Variants in ATAD2 observed in about 807,000 individuals in gnomAD.
ATAD2 encodes ATPase family AAA domain-containing protein 2.
In ATAD2, 62 loss-of-function variants were observed where a neutral mutation model predicts 168.9. That is an observed-to-expected ratio of 0.37 (90% CI 0.30 to 0.45). The LOEUF is 0.45. ATAD2 is among the 20% of genes least tolerant of loss of function. The pLI is 1.00. For missense variants in ATAD2, 1,419 were observed against 1,667.8 expected, an observed-to-expected ratio of 0.85 and a Z score of 2.60; for synonymous variants, 613 against 571.6, an observed-to-expected ratio of 1.07 and a Z score of -1.03.
At chr8:123,408,603 G>C (rs112734536) in intron 1 of ATAD2, among the ~76,000 whole-genome samples, 2 of 151,772 alleles carry the variant, frequency 1.3e-5, no homozygotes, top group Non-Finnish European at 2.9e-5. Context: ...TGAACCCTCC[G>C]CCTCTGGGGT....
chr8:123,399,079 G>A (rs1049787657), upstream of ATAD2, among the ~76,000 whole-genome samples: 3 of 152,176 alleles, frequency 2.0e-5, no homozygotes, highest in Admixed American at 1.3e-4. Flanking sequence ...TGGTCAACAT[G>A]GTGAAACCCC....
At chr8:123,369,799 A>G in intron 7 of ATAD2, 22 bp downstream of exon 7, 3 of 1,555,132 alleles carry the variant, frequency 1.9e-6, no homozygotes, top group African/African-American at 2.7e-5. Flanking sequence ...CATCTCCTGG[A>G]AAGAGTATGT....
At chr8:123,388,237 C>T (rs140846485) in intron 1 of ATAD2, among the ~76,000 whole-genome samples, 36 of 152,262 alleles carry the variant, frequency 2.4e-4, no homozygotes, top group Non-Finnish European at 4.9e-4. Flanking sequence ...GCTCCTTCAC[C>T]CAGGCTGGAG....
At chr8:123,409,014 G>C (rs1813111238) in intron 1 of ATAD2, among the ~76,000 whole-genome samples, 1 of 151,362 alleles carries the variant, frequency 6.6e-6, no homozygotes, top group Non-Finnish European at 1.5e-5. Flanking sequence ...TTTTAGTAGA[G>C]ACGGGGTTTT....
chr8:123,374,236 C>A (rs1320405328), intron 2 of ATAD2, among the ~76,000 whole-genome samples: 1 of 152,094 alleles, frequency 6.6e-6, no homozygotes, highest in African/African-American at 2.4e-5. Context: ...GCCTGTAGTC[C>A]CACCTACTCA....
chr8:123,394,306 T>C (rs536408983), intron 1 of ATAD2, among the ~76,000 whole-genome samples: 4 of 152,258 alleles, frequency 2.6e-5, no homozygotes, highest in African/African-American at 9.6e-5. Flanking sequence ...AAGCTGAAAC[T>C]GAAATTCATA....
intron 4 of ATAD2, 82 bp downstream of exon 4, chr8:123,371,588 G>A: frequency 7.9e-7 from 1 of 1,272,784 alleles, no homozygotes; most frequent in Non-Finnish European, 1.1e-6. Context: ...TTAAATGTTT[G>A]GGCTGGTTGA....
At chr8:123,401,671 CCTGA>C in intron 1 of ATAD2, 1 of 793,010 alleles carries the variant, frequency 1.3e-6, no homozygotes, top group Non-Finnish European at 2.3e-6. Flanking sequence ...ATGGTGGCAT[CCTGA>C]CTGTGGGGCA....
rs79027379 is a variant in ATAD2 at position 123,372,768 on chromosome 8, G to A, written c.321-82C>T. On this transcript the variant is annotated intron_variant, in intron 2 of 27. Transcript: ENST00000287394. Reference sequence around the variant, plus strand: ...TATTTAGATGGGATTGCACTCCATCGTCCAACAGGAGTGCAGTGGCACAAT... The same window carrying A: ...TATTTAGATGGGATTGCACTCCATCATCCAACAGGAGTGCAGTGGCACAAT... The A allele has an allele frequency of 2.1e-3, 2,409 of 1,171,988 alleles. 41 individuals are homozygous for A. In the African/African-American group the frequency reaches 0.033, roughly 16 times the overall value. The allele number at this position is 1,171,988 out of a possible 1,614,324, so 72.6% of individuals were successfully genotyped here.
At chr8:123,339,167 G>A (rs1827999228) in intron 20 of ATAD2, 144 bp downstream of exon 20, 7 of 701,660 alleles carry the variant, frequency 1.0e-5, no homozygotes, top group Non-Finnish European at 1.1e-5. Flanking sequence ...TTAATGGGAA[G>A]CATAGAGATT....
intron 1 of ATAD2, among the ~76,000 whole-genome samples, chr8:123,389,357 C>T (rs1407111753): frequency 1.0e-4 from 15 of 147,882 alleles, no homozygotes; most frequent in African/African-American, 3.2e-4. Context: ...TCCCAATGGT[C>T]GGCCGGGCGT....
At chr8:123,412,377 C>G (rs1454385908) in intron 1 of ATAD2, among the ~76,000 whole-genome samples, 1 of 152,158 alleles carries the variant, frequency 6.6e-6, no homozygotes, top group Non-Finnish European at 1.5e-5. Context: ...TTACACCCTG[C>G]TCAGAGCTAT....
intron 13 of ATAD2, among the ~76,000 whole-genome samples, chr8:123,355,514 G>A (rs1202671428): frequency 6.6e-6 from 1 of 152,196 alleles, no homozygotes; most frequent in African/African-American, 2.4e-5. Context: ...CATGGGGGTT[G>A]AGGGTTCAAT....
chr8:123,323,027 T>C lies in ATAD2; in HGVS notation c.4042A>G (p.Asn1348Asp). 1 of 1,612,274 alleles carries C rather than the reference T, an allele frequency of 6.2e-7. No homozygotes were observed. Among genetic ancestry groups the C allele is most frequent in the African/African-American group, 1.3e-5 (1 of 75,010 alleles). The stretch of plus-strand genomic sequence containing the variant: ...TACAAATTTTCCAACTGAAATATGT[T>C]GTAGTTTTGACTTTTTTTAACAACA... ...KTVVKKSQNY[N>D]IFQLENLYAV... The change falls in exon 27 of 28, where the codon AAC (asparagine) becomes GAC (aspartate). Residue 1348 changes from asparagine to aspartate, a missense_variant. Physicochemically the swap from Asn to Asp is conservative, Grantham distance 23. Transcript: ENST00000287394.
chr8:123,357,716 G>C lies in ATAD2; in HGVS notation c.1403C>G (p.Pro468Arg). 6.2e-7 allele frequency: 1 copy of C among 1,606,306 alleles called. No individual in the cohort carries two copies. The highest frequency in any genetic ancestry group is 8.5e-7 in the Non-Finnish European group (1 of 1,177,206). ...AACCAGAGTCTTTCCAGTTCCAGGTGGCCCATAAAACAAACAACCTCTGTA... is the reference window on the plus strand; with the variant it reads ...AACCAGAGTCTTTCCAGTTCCAGGTCGCCCATAAAACAAACAACCTCTGTA... ...QPPRGCLFYG[P>R]PGTGKTLVAR... The change falls in exon 12 of 28, where the codon CCA (proline) becomes CGA (arginine). Residue 468 changes from proline (P) to arginine (R), a missense_variant. Coordinates refer to ENST00000287394, the MANE Select transcript of ATAD2 (RefSeq NM_014109.4).
Position 123,357,643 on chromosome 8 carries a change from T to A in ATAD2, c.1476A>T (p.Ala492=). 6.2e-7 allele frequency: 1 copy of A among 1,614,118 alleles called. No homozygotes were observed. Among genetic ancestry groups the A allele is most frequent in the Non-Finnish European group, 8.5e-7 (1 of 1,179,988 alleles). The change falls in exon 12 of 28, where the codon GCA becomes GCT. Residue 492 remains alanine, a synonymous_variant. Transcript: ENST00000287394. ...AATCAGCACCTTTCCTCATGAAAAATGCTACTCTTTTATCCCCTTGACTGC... is the reference window on the plus strand; with the variant it reads ...AATCAGCACCTTTCCTCATGAAAAAAGCTACTCTTTTATCCCCTTGACTGC... The part of the protein sequence containing the change: ...NECSQGDKRV[A]FFMRKGADCL...
At chr8:123,396,713 G>A (rs1032761911), upstream of ATAD2, among the ~76,000 whole-genome samples, 2 of 152,108 alleles carry the variant, frequency 1.3e-5, no homozygotes, top group African/African-American at 2.4e-5. Flanking sequence ...TGGGAGCGGT[G>A]CGTAGCCCGT....
rs756151730 is a variant in ATAD2, at chr8:123,361,547, A to G, written c.1149T>C (p.Ala383=). The G allele has an allele frequency of 1.9e-6, 3 of 1,611,760 alleles. No homozygotes were observed. The highest frequency in any genetic ancestry group is 2.5e-6 in the Non-Finnish European group (3 of 1,178,044). The change falls in exon 9 of 28, where the codon GCT becomes GCC. Residue 383 remains alanine, a synonymous_variant. Transcript: ENST00000287394. ...ERRRKRSRNR[A]INRCLPLNFR... ...ATCAATATGGCACTTACCTATTGATAGCCCTATTACGACTCCTTTTCCTCC... is the reference window on the plus strand; with the variant it reads ...ATCAATATGGCACTTACCTATTGATGGCCCTATTACGACTCCTTTTCCTCC...
At position 123,356,374 on chromosome 8, in the gene ATAD2, T is replaced by C; in HGVS notation, c.1646+15A>G. On this transcript the variant is annotated intron_variant, in intron 13 of 27. Coordinates refer to ENST00000287394, the MANE Select transcript of ATAD2 (RefSeq NM_014109.4). ...AATAGGAAGAAACGTTGAAGTGCCA[T>C]CAAGCAAGTTTTACCTGTGAATCTG... 1 of 1,597,158 alleles carries C rather than the reference T, an allele frequency of 6.3e-7. No homozygotes were observed. Among genetic ancestry groups the C allele is most frequent in the South Asian group, 1.1e-5 (1 of 89,930 alleles).
Sources: allele counts gnomAD v4.1 joint callset (sites outside exome capture counted in the v4.1 genomes callset), GRCh38; gene constraint gnomAD v4.1.1; transcripts MANE v1.5; gene names NCBI Gene and HGNC (gene_info 2026-07-23, HGNC 2026-07-21).